Variants in DNAH7 observed in about 807,000 individuals in gnomAD.
The protein encoded by DNAH7 is dynein axonemal heavy chain 7.
DNAH7 carries 397 observed loss-of-function variants against 444.6 expected under a neutral mutation model. That is an observed-to-expected ratio of 0.89 (90% confidence interval 0.82 to 0.97). The LOEUF (loss-of-function observed/expected upper bound fraction) is 0.97. Ranked by LOEUF, DNAH7 falls within the 50% of genes least tolerant of loss-of-function variation. The pLI, the probability that DNAH7 is intolerant of heterozygous loss-of-function variation, is 0.00. For synonymous variants in DNAH7, 1,636 were observed against 1,624.4 expected (o/e 1.01, Z -0.17); for missense variants, 4,902 against 4,800.8 (o/e 1.02, Z -0.62).
At chr2:195,748,927 C>T (rs976878140) in intron 63 of DNAH7, among the ~76,000 whole-genome samples, 3 of 152,132 alleles carry the variant, frequency 2.0e-5, no homozygotes, top group Admixed American at 1.3e-4. Context: ...TAGGCATGGG[C>T]AAGGACTTCA....
In DNAH7 at chr2:195,900,337, T is replaced by C. The variant is rs752040766; in HGVS notation, c.4493A>G (p.Tyr1498Cys). Residue 1498 changes from tyrosine (Y) to cysteine (C), a missense_variant, in exon 28 of 65, where the codon TAC (tyrosine) becomes TGC (cysteine). Transcript: ENST00000312428. ...CSEQLSSQHH[Y>C]DYGMRAVKSV... Reference sequence around the variant, plus strand: ...CTTCACGGCTCTCATTCCATAGTCGTAGTGATGTTGAGATGACAGCTGCTC... The same window carrying C: ...CTTCACGGCTCTCATTCCATAGTCGCAGTGATGTTGAGATGACAGCTGCTC... The C allele has an allele frequency of 6.2e-7, 1 of 1,613,998 alleles. No individual in the cohort carries two copies. The highest frequency in any genetic ancestry group is 1.1e-5 in the South Asian group (1 of 91,078).
intron 56 of DNAH7, among the ~76,000 whole-genome samples, chr2:195,794,926 T>C (rs1696064935): frequency 6.6e-6 from 1 of 152,242 alleles, no homozygotes; most frequent in Non-Finnish European, 1.5e-5. Flanking sequence ...TTTCTCTTGC[T>C]GTAGCCAGGT....
At chr2:195,953,679 C>T (rs1020873235) in intron 19 of DNAH7, among the ~76,000 whole-genome samples, 1 of 152,216 alleles carries the variant, frequency 6.6e-6, no homozygotes, top group African/African-American at 2.4e-5. Context: ...AGCAGCTTTG[C>T]TGAGCTGCAG....
chr2:196,024,345 C>T, intron 8 of DNAH7, 84 bp downstream of exon 8: 2 of 847,056 alleles, frequency 2.4e-6, no homozygotes. Context: ...TATAAACATA[C>T]ATTTGAGAAA....
chr2:196,011,922 T>C (rs190829613), intron 10 of DNAH7, among the ~76,000 whole-genome samples: 1 of 152,170 alleles, frequency 6.6e-6, no homozygotes, highest in Non-Finnish European at 1.5e-5. Context: ...TTCTCTGTAA[T>C]TAATTATGGG....
chr2:195,743,153 C>G (rs752200010), intron 63 of DNAH7, among the ~76,000 whole-genome samples: 1 of 152,228 alleles, frequency 6.6e-6, no homozygotes, highest in Non-Finnish European at 1.5e-5. Flanking sequence ...TTTGGACTTT[C>G]GGACTTACTC....
At position 196,012,846 on chromosome 2, in the gene DNAH7, T is replaced by C. The variant is rs1194327342; in HGVS notation, c.930A>G (p.Ser310=). The C allele has an allele frequency of 7.0e-6, 11 of 1,576,926 alleles. No homozygotes were observed. The highest frequency in any genetic ancestry group is 9.5e-6 in the Non-Finnish European group (11 of 1,163,602). Residue 310 remains serine, a synonymous_variant, in exon 10 of 65, where the codon TCA becomes TCG. Coordinates refer to ENST00000312428, the MANE Select transcript of DNAH7 (RefSeq NM_018897.3). ...FHNCQDALEL[S]SFQNIIMRHM... ...GTCTCATGATAATGTTCTGAAAACT[T>C]GACAGCTCTAATGCATCCTGGCAAT...
intron 60 of DNAH7, among the ~76,000 whole-genome samples, chr2:195,773,703 TA>T (rs1434968647): frequency 6.6e-6 from 1 of 152,214 alleles, no homozygotes; most frequent in African/African-American, 2.4e-5. Flanking sequence ...CTCTTAAAGA[TA>T]AGTGGAATTC....
At chr2:196,012,691 CA>C in intron 10 of DNAH7, 95 bp downstream of exon 10, 1 of 1,249,820 alleles carries the variant, frequency 8.0e-7, no homozygotes. Context: ...TGATTTAAAA[CA>C]TTAAAATTGG....
chr2:195,895,192 T>C lies in DNAH7; in HGVS notation c.4680A>G (p.Lys1560=), dbSNP rs1702237847. 6.2e-7 allele frequency: 1 copy of C among 1,610,068 alleles called. No individual in the cohort carries two copies. Among genetic ancestry groups the C allele is most frequent in the African/African-American group, 1.3e-5 (1 of 74,864 alleles). Reference sequence around the variant, plus strand: ...AATCATTGTAATCTGGTTTTGGTAATTTTACCCCAGGAAACAAATCCGAAG... The same window carrying C: ...AATCATTGTAATCTGGTTTTGGTAACTTTACCCCAGGAAACAAATCCGAAG... ...GITSDLFPGV[K]LPKPDYNDLL... is the part of the protein sequence containing the mutation. Residue 1560 remains lysine, a synonymous_variant, in exon 30 of 65, where the codon AAA becomes AAG. Transcript: ENST00000312428.
At chr2:195,865,525 T>C (rs566714300) in intron 40 of DNAH7, among the ~76,000 whole-genome samples, 3 of 152,108 alleles carry the variant, frequency 2.0e-5, no homozygotes, top group Admixed American at 2.0e-4. Context: ...AGAGGGAGAG[T>C]TGTTTGGGAT....
chr2:195,945,034 T>C (rs1689710285), intron 19 of DNAH7, among the ~76,000 whole-genome samples: 1 of 151,458 alleles, frequency 6.6e-6, no homozygotes, highest in African/African-American at 2.4e-5. Context: ...ATACTCCTAG[T>C]GTCCTATTTT....
rs896639008 is a variant in DNAH7 at position 196,001,754 on chromosome 2, G to A, written c.1094C>T (p.Ala365Val). The A allele has an allele frequency of 1.9e-6, 3 of 1,612,364 alleles. No homozygotes were observed. Among genetic ancestry groups the A allele is most frequent in the Non-Finnish European group, 2.5e-6 (3 of 1,179,216 alleles). The change falls in exon 11 of 65, where the codon GCT becomes GTT. Residue 365 changes from alanine (A) to valine (V), a missense_variant. Ala to Val is a moderately conservative substitution (Grantham distance 64). Transcript: ENST00000312428. ...AKLESFFNCA[A>V]ALMTLQLQDL... ...CTGCAGCTGTAAAGTCATAAGTGCAGCAGCACAGTTGAAAAAAGATTCCAA... is the reference window on the plus strand; with the variant it reads ...CTGCAGCTGTAAAGTCATAAGTGCAACAGCACAGTTGAAAAAAGATTCCAA...
chr2:195,917,880 G>T (rs1214877178), intron 24 of DNAH7, among the ~76,000 whole-genome samples: 3 of 151,992 alleles, frequency 2.0e-5, no homozygotes, highest in African/African-American at 7.3e-5. Flanking sequence ...TGTTGCCCAG[G>T]CTGGTCTTGA....
chr2:196,029,775 A>G (rs1224957735), intron 5 of DNAH7, among the ~76,000 whole-genome samples: 1 of 152,232 alleles, frequency 6.6e-6, no homozygotes, highest in African/African-American at 2.4e-5. Context: ...GTTCAGAAAT[A>G]AAACGATCAA....
At chr2:195,907,625 C>T (rs898623542) in intron 25 of DNAH7, among the ~76,000 whole-genome samples, 1 of 152,114 alleles carries the variant, frequency 6.6e-6, no homozygotes, top group East Asian at 1.9e-4. Flanking sequence ...CATGCAAGCA[C>T]ACACATGCAT....
chr2:195,856,651 T>C (rs527599026), intron 44 of DNAH7, among the ~76,000 whole-genome samples: 1 of 152,312 alleles, frequency 6.6e-6, no homozygotes, highest in African/African-American at 2.4e-5. Context: ...GTTTTGCGTA[T>C]GATATAACTA....
intron 45 of DNAH7, among the ~76,000 whole-genome samples, chr2:195,855,464 T>C (rs989691812): frequency 1.3e-5 from 2 of 152,260 alleles, no homozygotes; most frequent in African/African-American, 4.8e-5. Flanking sequence ...TAGCTCAATA[T>C]TATATTCTAG....
chr2:195,888,326 C>T lies in DNAH7; in HGVS notation c.5338G>A (p.Glu1780Lys), dbSNP rs1371123844. ...LPASVSVIQK[E>K]FIMGLFDRMV... ...CTGTCAAATAAGCCCATTATGAATT[C>T]CTTTTGAATAACACTGACTGACGCA... The change falls in exon 33 of 65, where the codon GAA becomes AAA. Residue 1780 changes from glutamate (E) to lysine (K), a missense_variant. By Grantham distance (56) the Glu-to-Lys change is moderately conservative. Transcript: ENST00000312428. 6.2e-7 allele frequency: 1 copy of T among 1,611,198 alleles called. No homozygotes were observed.
Sources: gnomAD v4.1 joint callset for allele counts (sites outside exome capture counted in the v4.1 genomes callset) on GRCh38, gnomAD v4.1.1 for gene constraint, MANE v1.5 for transcripts, NCBI Gene and HGNC (gene_info 2026-07-23, HGNC 2026-07-21) for gene names.